Variants in MACF1 observed in about 807,000 individuals in gnomAD.
MACF1 encodes microtubule actin crosslinking factor 1.
In MACF1, 193 loss-of-function variants were observed where a neutral mutation model predicts 854.8. The ratio of observed to expected loss-of-function variants is 0.23; its 90% CI spans 0.20 to 0.25. The LOEUF is 0.25. MACF1 is among the 10% of genes least tolerant of loss of function. The probability of loss-of-function intolerance (pLI) is 1.00; values close to 1 mark genes in which losing one functional copy is unlikely to be tolerated. For missense variants in MACF1, 7,722 were observed against 8,929.1 expected (o/e 0.86, Z 5.45); for synonymous variants, 3,185 against 3,226.7 (o/e 0.99, Z 0.44).
In MACF1 at chr1:39,438,946, G is replaced by C. The variant is rs148010241; in HGVS notation, c.18221-328G>C. ...AAAAATACAAAAATTAGCCAGGCAT[G>C]GTGGCACATGCCTGTTATCCTAGCT... On this transcript the variant is annotated intron_variant, in intron 71 of 100. Coordinates refer to ENST00000564288, the MANE Select transcript of MACF1 (RefSeq NM_001394062.1). 5.0e-3 allele frequency among the ~76,000 whole-genome samples: 758 copies of C among 151,314 alleles called. 9 individuals carry two copies. Among genetic ancestry groups the C allele is most frequent in the African/African-American group, 0.017 (713 of 41,190 alleles).
Position 39,204,811 on chromosome 1 carries a change from T to G in MACF1, c.-212T>G. ...TTCCTGGGCTTTGTCTGAGATACAC[T>G]GTACAGTTTTAGTCCCAGTCTACTA... On this transcript the variant is annotated 5_prime_UTR_variant, in exon 1 of 101. Coordinates refer to ENST00000564288, the MANE Select transcript of MACF1 (RefSeq NM_001394062.1). The G allele has an allele frequency of 3.7e-6, 2 of 547,752 alleles. No homozygotes were observed. Among genetic ancestry groups the G allele is most frequent in the Non-Finnish European group, 6.5e-6 (2 of 305,792 alleles). The allele number at this position is 547,752 out of a possible 1,614,324, so 33.9% of individuals were successfully genotyped here.
chr1:39,410,946 C>T, intron 58 of MACF1: 1 of 1,613,986 alleles, frequency 6.2e-7, no homozygotes, highest in Middle Eastern at 1.6e-4. Flanking sequence ...ACAGTGCAAA[C>T]CCTCCTCATG....
chr1:39,394,600 G>A (rs574017964), intron 58 of MACF1, among the ~76,000 whole-genome samples: 23 of 152,222 alleles, frequency 1.5e-4, no homozygotes, highest in African/African-American at 5.3e-4. Flanking sequence ...TCCAGCCTGG[G>A]TGTCAGAAAG....
chr1:39,405,597 C>T (rs1342017584), intron 58 of MACF1, among the ~76,000 whole-genome samples: 1 of 152,232 alleles, frequency 6.6e-6, no homozygotes, highest in Non-Finnish European at 1.5e-5. Context: ...ACCCGGCTGT[C>T]TTTCATTAGG....
intron 97 of MACF1, among the ~76,000 whole-genome samples, chr1:39,477,058 T>TACACACAC: frequency 5.1e-5 from 1 of 19,600 alleles, no homozygotes; most frequent in South Asian, 3.4e-3. Flanking sequence ...TATATATATA[T>TACACACAC]ATATATATAT....
At chr1:39,091,404 G>C (rs1395499724) in intron 2 of MACF1, among the ~76,000 whole-genome samples, 3 of 152,130 alleles carry the variant, frequency 2.0e-5, no homozygotes, top group Non-Finnish European at 2.9e-5. Context: ...TAAAATGGGG[G>C]AGCAAGAGCA....
Position 39,113,917 on chromosome 1 carries a change from T to C in MACF1, c.220+29479T>C, listed in dbSNP as rs553766389. On this transcript the variant is annotated intron_variant, in intron 2 of 93. Transcript: ENST00000361689. ...CAGGCATGGTGGTACATGCCTGTAG[T>C]CCCAGCTACTTGGGAGGCTGAAGCA... Among the ~76,000 whole-genome samples, 13 of 152,106 alleles carry C rather than the reference T, an allele frequency of 8.5e-5. No homozygotes were observed. In the East Asian group the frequency reaches 2.5e-3, roughly 29 times the overall value.
intron 2 of MACF1, among the ~76,000 whole-genome samples, chr1:39,121,370 G>C (rs1413912426): frequency 6.6e-6 from 1 of 152,146 alleles, no homozygotes; most frequent in Non-Finnish European, 1.5e-5. Flanking sequence ...TATGAAAAGG[G>C]GTGGGGGAAG....
At chr1:39,182,310 T>C (rs1301884259) in intron 2 of MACF1, among the ~76,000 whole-genome samples, 1 of 152,096 alleles carries the variant, frequency 6.6e-6, no homozygotes, top group African/African-American at 2.4e-5. Flanking sequence ...TAGTGGTTTC[T>C]TGTAGCTAAC....
At chr1:39,412,387 G>T in intron 58 of MACF1, 1 of 1,614,030 alleles carries the variant, frequency 6.2e-7, no homozygotes, top group Non-Finnish European at 8.5e-7. Context: ...GGTCACTTGT[G>T]AATTGTCTGT....
At chr1:39,157,363 A>G (rs1448842357) in intron 2 of MACF1, among the ~76,000 whole-genome samples, 4 of 152,196 alleles carry the variant, frequency 2.6e-5, no homozygotes, top group African/African-American at 9.7e-5. Context: ...AATGCTACTT[A>G]CACAGTTTCT....
intron 2 of MACF1, among the ~76,000 whole-genome samples, chr1:39,114,208 C>T (rs1384421702): frequency 3.4e-5 from 5 of 149,030 alleles, no homozygotes; most frequent in African/African-American, 1.2e-4. Context: ...TACAATTTTC[C>T]ACATTAATAT....
chr1:39,273,544 T>C (rs989131997), intron 6 of MACF1, among the ~76,000 whole-genome samples: 4 of 152,110 alleles, frequency 2.6e-5, no homozygotes, highest in African/African-American at 4.8e-5. Context: ...GATGACACTA[T>C]TGGGGGAATG....
chr1:39,227,923 T>G, intron 1 of MACF1, among the ~76,000 whole-genome samples: 1 of 152,226 alleles, frequency 6.6e-6, no homozygotes, highest in Non-Finnish European at 1.5e-5. Context: ...TCCCCCATAT[T>G]TCCTGTCCCT....
chr1:39,438,059 C>G (rs4660747), intron 71 of MACF1, 51 bp downstream of exon 71: 1 of 1,510,680 alleles, frequency 6.6e-7, no homozygotes, highest in Non-Finnish European at 9.1e-7. Context: ...AAATTCTAGG[C>G]TGTGGTTATC....
chr1:39,150,532 AG>A (rs1643558008), intron 2 of MACF1, among the ~76,000 whole-genome samples: 1 of 152,126 alleles, frequency 6.6e-6, no homozygotes, highest in Non-Finnish European at 1.5e-5. Context: ...ATATTATGGG[AG>A]GGGGAGTGGA....
chr1:39,297,084 C>T (rs529330237), intron 20 of MACF1, among the ~76,000 whole-genome samples: 131 of 151,992 alleles, frequency 8.6e-4, no homozygotes, highest in Middle Eastern at 6.8e-3. Flanking sequence ...CCACCACGCC[C>T]GGCTAATTTT....
chr1:39,275,141 C>T (rs1645409421), intron 6 of MACF1, among the ~76,000 whole-genome samples: 1 of 149,818 alleles, frequency 6.7e-6, no homozygotes, highest in South Asian at 2.1e-4. Flanking sequence ...TGCAGTGGCG[C>T]GATCTCGGCT....
chr1:39,483,080 C>T, intron 99 of MACF1, among the ~76,000 whole-genome samples: 2 of 96,414 alleles, frequency 2.1e-5, no homozygotes, highest in African/African-American at 4.6e-5. Context: ...GAGCAAGACT[C>T]TGTCTCAAAA....
Sources: gnomAD v4.1 joint callset for allele counts (sites outside exome capture counted in the v4.1 genomes callset) on GRCh38, gnomAD v4.1.1 for gene constraint, MANE v1.5 for transcripts, NCBI Gene and HGNC (gene_info 2026-07-23, HGNC 2026-07-21) for gene names.